The following LEF1 variants were observed in gnomAD, a reference collection of about 807,000 sequenced individuals.
LEF1 encodes the protein lymphoid enhancer binding factor 1.
A neutral mutation model predicts 51.2 loss-of-function variants in LEF1; 14 were observed. That is an observed-to-expected ratio of 0.27 (90% CI 0.18 to 0.43). LEF1 has a LOEUF of 0.43. Ranked by LOEUF, LEF1 falls within the 20% of genes least tolerant of loss-of-function variation. The probability of loss-of-function intolerance (pLI) is 1.00; values close to 1 mark genes in which losing one functional copy is unlikely to be tolerated. For missense variants in LEF1, 386 were observed against 512.0 expected, an observed-to-expected ratio of 0.75 and a Z score of 2.37; for synonymous variants, 185 against 183.2, an observed-to-expected ratio of 1.01 and a Z score of -0.08.
At chr4:108,123,432 GTTTTTTTTTTT>G (rs34015287) in intron 3 of LEF1, among the ~76,000 whole-genome samples, 1 of 72,370 alleles carries the variant, frequency 1.4e-5, no homozygotes, top group African/African-American at 6.5e-5. Context: ...GCTAGGGTTG[GTTTTTTTTTTT>G]TTTTTTTTTT....
chr4:108,163,466 A>T, intron 3 of LEF1, 102 bp downstream of exon 3: 1 of 1,272,110 alleles, frequency 7.9e-7, no homozygotes, highest in Non-Finnish European at 1.1e-6. Flanking sequence ...AGTTATATAT[A>T]ATGAAAGCAT....
intron 3 of LEF1, among the ~76,000 whole-genome samples, chr4:108,136,506 T>C (rs1407062889): frequency 1.3e-5 from 2 of 150,544 alleles, no homozygotes; most frequent in Non-Finnish European, 3.0e-5. Flanking sequence ...TTATGCTGCA[T>C]AGTATTATAA....
intron 3 of LEF1, among the ~76,000 whole-genome samples, chr4:108,134,257 TA>T (rs1225218643): frequency 4.6e-5 from 7 of 152,108 alleles, no homozygotes; most frequent in African/African-American, 1.7e-4. Context: ...CCTCAGTGAA[TA>T]CACAAGTAAG....
At chr4:108,121,397 G>C (rs754796870) in intron 3 of LEF1, among the ~76,000 whole-genome samples, 2 of 152,150 alleles carry the variant, frequency 1.3e-5, no homozygotes, top group Non-Finnish European at 2.9e-5. Flanking sequence ...GACCCCAGAG[G>C]TACAGACACT....
At chr4:108,166,786 C>T in intron 1 of LEF1, 1 of 986,192 alleles carries the variant, frequency 1.0e-6, no homozygotes, top group Non-Finnish European at 1.2e-6. Context: ...CGGTCCCAAA[C>T]CCCAAATAAA....
chr4:108,074,333 T>G (rs886552661), intron 8 of LEF1, among the ~76,000 whole-genome samples: 7 of 152,302 alleles, frequency 4.6e-5, no homozygotes, highest in Admixed American at 2.6e-4. Flanking sequence ...TTGAATAAAC[T>G]TGTACAGTTC....
chr4:108,050,647 G>T (rs1354388680), intron 11 of LEF1, among the ~76,000 whole-genome samples: 2 of 152,200 alleles, frequency 1.3e-5, no homozygotes, highest in Non-Finnish European at 2.9e-5. Context: ...CTCTTCCTGG[G>T]AAGGTTTTCC....
chr4:108,163,510 A>G (rs971407550), intron 3 of LEF1, 58 bp downstream of exon 3: 2 of 1,573,088 alleles, frequency 1.3e-6, no homozygotes, highest in Non-Finnish European at 1.7e-6. Flanking sequence ...ACATTCTGCC[A>G]AAATACAAAT....
intron 3 of LEF1, among the ~76,000 whole-genome samples, chr4:108,122,348 G>T (rs1365406062): frequency 1.3e-5 from 2 of 151,972 alleles, no homozygotes; most frequent in African/African-American, 2.4e-5. Flanking sequence ...AGCTTATTCT[G>T]GGTTGATCAT....
intron 3 of LEF1, among the ~76,000 whole-genome samples, chr4:108,116,246 C>T (rs191401019): frequency 6.6e-6 from 1 of 152,276 alleles, no homozygotes; most frequent in African/African-American, 2.4e-5. Flanking sequence ...GCAGGCCAGG[C>T]ACAGTGGCTC....
intron 8 of LEF1, 75 bp downstream of exon 8, chr4:108,078,145 G>A (rs544263617): frequency 6.7e-5 from 95 of 1,410,888 alleles, no homozygotes; most frequent in Non-Finnish European, 8.7e-5. Flanking sequence ...CCTGATATGG[G>A]ATTAAATTGG....
At chr4:108,118,877 G>T (rs1741996964) in intron 3 of LEF1, among the ~76,000 whole-genome samples, 1 of 151,718 alleles carries the variant, frequency 6.6e-6, no homozygotes, top group African/African-American at 2.4e-5. Flanking sequence ...ATAATTTGTT[G>T]TTACGGTCTA....
intron 3 of LEF1, among the ~76,000 whole-genome samples, chr4:108,093,293 T>A (rs889994403): frequency 2.0e-5 from 3 of 152,144 alleles, no homozygotes; most frequent in African/African-American, 7.2e-5. Flanking sequence ...AGTTCGATCC[T>A]TTTGGCTCTT....
intron 3 of LEF1, among the ~76,000 whole-genome samples, chr4:108,142,861 G>T (rs750757858): frequency 6.6e-6 from 1 of 152,150 alleles, no homozygotes; most frequent in Non-Finnish European, 1.5e-5. Flanking sequence ...AATCTTAAGA[G>T]AATTTATAAA....
At chr4:108,094,856 T>C (rs1325337793) in intron 3 of LEF1, among the ~76,000 whole-genome samples, 3 of 152,192 alleles carry the variant, frequency 2.0e-5, no homozygotes, top group Non-Finnish European at 4.4e-5. Flanking sequence ...ATTAAACACT[T>C]CAGAAGTCTG....
chr4:108,050,584 C>T (rs1291586057), intron 11 of LEF1, among the ~76,000 whole-genome samples: 1 of 152,194 alleles, frequency 6.6e-6, no homozygotes, highest in East Asian at 1.9e-4. Context: ...CCACAGATTC[C>T]TATTTACATT....
intron 3 of LEF1, among the ~76,000 whole-genome samples, chr4:108,146,007 A>G (rs1743980519): frequency 6.6e-6 from 1 of 152,240 alleles, no homozygotes; most frequent in Non-Finnish European, 1.5e-5. Context: ...TATGTGAATT[A>G]TATCTCAATA....
intron 3 of LEF1, among the ~76,000 whole-genome samples, chr4:108,145,788 A>G (rs1421295661): frequency 1.3e-5 from 2 of 152,208 alleles, no homozygotes; most frequent in Non-Finnish European, 2.9e-5. Context: ...AAATAGGGAA[A>G]TATGTTGAGA....
chr4:108,156,923 A>G (rs2110408084), intron 3 of LEF1, among the ~76,000 whole-genome samples: 1 of 152,160 alleles, frequency 6.6e-6, no homozygotes, highest in East Asian at 1.9e-4. Flanking sequence ...GATGGATACT[A>G]TAAAAGCCCT....
Sources: gnomAD v4.1 joint callset for allele counts (sites outside exome capture counted in the v4.1 genomes callset) on GRCh38, gnomAD v4.1.1 for gene constraint, MANE v1.5 for transcripts, NCBI Gene and HGNC (gene_info 2026-07-23, HGNC 2026-07-21) for gene names.